The following METTL15 variants were observed in gnomAD, a reference collection of about 807,000 sequenced individuals.
METTL15 encodes 12S rRNA N(4)-cytidine methyltransferase METTL15.
In METTL15, 34 loss-of-function variants were observed where a neutral mutation model predicts 38.3. The observed-to-expected ratio is 0.89, with a 90% CI of 0.68 to 1.18. The LOEUF (loss-of-function observed/expected upper bound fraction) is 1.18. Ranked by LOEUF, METTL15 falls within the 50% of genes most tolerant of loss-of-function variation. The pLI is 0.00. For synonymous variants in METTL15, 162 were observed against 170.9 expected (o/e 0.95, Z 0.41); for missense variants, 438 against 498.4 (o/e 0.88, Z 1.15).
intron 5 of METTL15, among the ~76,000 whole-genome samples, chr11:28,369,126 A>G (rs956036381): frequency 6.6e-6 from 1 of 152,080 alleles, no homozygotes; most frequent in African/African-American, 2.4e-5. Flanking sequence ...CATTCTGCAC[A>G]TGTACCCCAG....
At chr11:28,374,074 T>A (rs1010147478) in intron 5 of METTL15, among the ~76,000 whole-genome samples, 1 of 152,176 alleles carries the variant, frequency 6.6e-6, no homozygotes, top group Non-Finnish European at 1.5e-5. Context: ...TGTAGCCTTG[T>A]AGTATAGTTT....
intron 4 of METTL15, among the ~76,000 whole-genome samples, chr11:28,289,125 T>C (rs959987404): frequency 1.3e-5 from 2 of 152,140 alleles, no homozygotes; most frequent in African/African-American, 4.8e-5. Context: ...ATTTTCCCAA[T>C]AAGAACAGGG....
At chr11:28,526,222 A>G (rs772068891) in intron 6 of METTL15, among the ~76,000 whole-genome samples, 3 of 152,178 alleles carry the variant, frequency 2.0e-5, no homozygotes, top group Non-Finnish European at 4.4e-5. Context: ...CAGCCCAGAG[A>G]GGGGTCCCCA....
In METTL15 at chr11:28,330,555, G is replaced by A. The variant is rs769313609; in HGVS notation, c.938G>A (p.Gly313Asp). 2.6e-6 allele frequency: 4 copies of A among 1,551,522 alleles called. No individual in the cohort carries two copies. In the South Asian group the frequency reaches 3.6e-5, roughly 14 times the overall value. ...ACAGCTCAGAAGTTTCTGAGACCTG[G>A]TGGTCGTCTTGTTGCCCTCTCCTTC... ...LKTAQKFLRP[G>D]GRLVALSFHS... The change falls in exon 7 of 7, where the codon GGT (glycine) becomes GAT (aspartate). Residue 313 changes from glycine to aspartate, a missense_variant. Physicochemically the swap from Gly to Asp is moderately conservative, Grantham distance 94. Transcript: ENST00000407364.
chr11:28,286,492 T>C (rs923638469), intron 4 of METTL15, among the ~76,000 whole-genome samples: 3 of 152,040 alleles, frequency 2.0e-5, no homozygotes, highest in Non-Finnish European at 4.4e-5. Flanking sequence ...CCAACAAATA[T>C]CCTTTACAGT....
intron 4 of METTL15, among the ~76,000 whole-genome samples, chr11:28,239,823 AT>A (rs1854210410): frequency 6.6e-6 from 1 of 152,204 alleles, no homozygotes; most frequent in Admixed American, 6.5e-5. Context: ...CAACTGTAGT[AT>A]TTTATAATTC....
chr11:28,349,442 AG>A (rs1274163456), intron 3 of METTL15, among the ~76,000 whole-genome samples: 2 of 152,252 alleles, frequency 1.3e-5, no homozygotes, highest in East Asian at 3.8e-4. Flanking sequence ...GTCTAAATAA[AG>A]GAAAGGAAAG....
intron 4 of METTL15, among the ~76,000 whole-genome samples, chr11:28,225,783 C>T (rs926880389): frequency 2.6e-5 from 4 of 151,830 alleles, no homozygotes; most frequent in African/African-American, 9.7e-5. Flanking sequence ...AGTAACCTCT[C>T]TACCCTTATT....
intron 5 of METTL15, among the ~76,000 whole-genome samples, chr11:28,403,472 G>A (rs982000347): frequency 2.0e-5 from 3 of 152,010 alleles, no homozygotes; most frequent in Non-Finnish European, 2.9e-5. Context: ...ACACAATGAT[G>A]TTCAGAGGTG....
At chr11:28,434,243 A>T (rs1211051274) in intron 6 of METTL15, among the ~76,000 whole-genome samples, 7 of 152,186 alleles carry the variant, frequency 4.6e-5, no homozygotes, top group Non-Finnish European at 1.0e-4. Context: ...CACATGAAGA[A>T]GGACGTGTTT....
At chr11:28,299,878 G>A (rs1456136736) in intron 6 of METTL15, among the ~76,000 whole-genome samples, 1 of 152,084 alleles carries the variant, frequency 6.6e-6, no homozygotes, top group African/African-American at 2.4e-5. Flanking sequence ...AGCAATCCTT[G>A]GTGTTCCTTG....
chr11:28,369,150 A>C (rs568418312), intron 5 of METTL15, among the ~76,000 whole-genome samples: 25 of 152,156 alleles, frequency 1.6e-4, no homozygotes, highest in Admixed American at 1.6e-3. Flanking sequence ...TTAAAGCATA[A>C]TTTAAAATAA....
At chr11:28,290,152 G>C in intron 4 of METTL15, 54 bp from the exon 5 acceptor site, 1 of 1,452,848 alleles carries the variant, frequency 6.9e-7, no homozygotes, top group Non-Finnish European at 9.3e-7. Flanking sequence ...ATAGACTTTA[G>C]AAAGACTTCA....
intron 6 of METTL15, among the ~76,000 whole-genome samples, chr11:28,464,999 C>G (rs768438117): frequency 6.6e-6 from 1 of 152,182 alleles, no homozygotes. Context: ...CACACTCACT[C>G]TATTTCCTTT....
At chr11:28,229,041 T>C (rs547955893) in intron 4 of METTL15, among the ~76,000 whole-genome samples, 11 of 151,966 alleles carry the variant, frequency 7.2e-5, no homozygotes, top group Non-Finnish European at 1.6e-4. Flanking sequence ...TTTCTATGTC[T>C]GTATTTTTAT....
intron 5 of METTL15, among the ~76,000 whole-genome samples, chr11:28,390,928 T>C (rs1393815980): frequency 3.3e-5 from 5 of 152,190 alleles, no homozygotes; most frequent in Admixed American, 2.0e-4. Flanking sequence ...GTAGTTCCCC[T>C]TGAAGAGGTC....
intron 5 of METTL15, among the ~76,000 whole-genome samples, chr11:28,388,950 T>C (rs908577813): frequency 5.9e-5 from 9 of 151,936 alleles, no homozygotes; most frequent in Non-Finnish European, 1.0e-4. Context: ...TTTGTCCTTG[T>C]GATAGTTTGC....
intron 5 of METTL15, among the ~76,000 whole-genome samples, chr11:28,382,792 G>A (rs777269071): frequency 3.3e-5 from 5 of 151,202 alleles, no homozygotes; most frequent in Admixed American, 1.3e-4. Context: ...CCAAGATAGC[G>A]CCACTGCACT....
At chr11:28,391,289 G>T (rs2133393979) in intron 5 of METTL15, among the ~76,000 whole-genome samples, 1 of 152,094 alleles carries the variant, frequency 6.6e-6, no homozygotes, top group South Asian at 2.1e-4. Flanking sequence ...GGTGAGAGAG[G>T]GCATCCGTGT....
Sources: gnomAD v4.1 joint callset for allele counts (sites outside exome capture counted in the v4.1 genomes callset) on GRCh38, gnomAD v4.1.1 for gene constraint, MANE v1.5 for transcripts, NCBI Gene and HGNC (gene_info 2026-07-23, HGNC 2026-07-21) for gene names.